The following APAF1 variants were observed in gnomAD, a reference collection of about 807,000 sequenced individuals.
APAF1 encodes the protein apoptotic peptidase activating factor 1, also known as apoptotic protease-activating factor 1.
Under a neutral mutation model 152.4 loss-of-function variants are expected in APAF1, and 91 were observed. The observed-to-expected ratio is 0.60, with a 90% CI of 0.50 to 0.71. The LOEUF is 0.71. Among genes scored for constraint, APAF1 ranks in the 30% least tolerant of loss-of-function variants. The probability of loss-of-function intolerance (pLI) is 0.00; values close to 1 mark genes in which losing one functional copy is unlikely to be tolerated. For synonymous variants in APAF1, 484 were observed against 494.1 expected, an observed-to-expected ratio of 0.98 and a Z score of 0.27; for missense variants, 1,283 against 1,472.0, an observed-to-expected ratio of 0.87 and a Z score of 2.10.
chr12:98,735,418 ATTG>A lies in APAF1; in HGVS notation c.*2855_*2857del. ...TTTTTGTAAAAATAAAATTCACAAAATTGTTTTGAAAAACATTTTTGGATTGTT... is the reference window on the plus strand; with the variant it reads ...TTTTTGTAAAAATAAAATTCACAAAATTTTGAAAAACATTTTTGGATTGTT... On this transcript the variant is annotated 3_prime_UTR_variant, in exon 27 of 27. Coordinates refer to ENST00000551964, the MANE Select transcript of APAF1 (RefSeq NM_181861.2). 2.3e-6 allele frequency: 1 copy of A among 427,274 alleles called. No individual in the cohort carries two copies. Among genetic ancestry groups the A allele is most frequent in the Non-Finnish European group, 4.2e-6 (1 of 238,066 alleles). 26.5% of individuals were successfully genotyped at this position (427,274 alleles called of 1,614,324 possible). A position where few individuals can be genotyped will look rare whatever the true frequency, so the allele number is the denominator to read the frequency against.
chr12:98,678,796 T>C (rs74475256), intron 13 of APAF1, among the ~76,000 whole-genome samples: 12,584 of 152,298 alleles, frequency 0.083, 686 homozygotes, highest in East Asian at 0.23. Flanking sequence ...CCCGGCCAGA[T>C]GTGCACATGC....
intron 22 of APAF1, among the ~76,000 whole-genome samples, chr12:98,718,238 CT>C (rs1456618362): frequency 6.6e-6 from 1 of 151,726 alleles, no homozygotes; most frequent in Non-Finnish European, 1.5e-5. Context: ...CTTTTTCTTT[CT>C]TTTTTTTCTT....
Position 98,718,065 on chromosome 12 carries a change from C to T in APAF1, c.3084+2513C>T, listed in dbSNP as rs112692220. ...TGGATCTCAACATTTAGTATGTACA[C>T]CTTCCCTTGATCCCTCATTCTCAGA... On this transcript the variant is annotated intron_variant, in intron 22 of 26. Transcript: ENST00000551964. 7.7e-4 allele frequency among the ~76,000 whole-genome samples: 117 copies of T among 152,160 alleles called. 1 individual carries two copies. Among genetic ancestry groups the T allele is most frequent in the African/African-American group, 2.7e-3 (110 of 41,500 alleles).
chr12:98,678,168 T>C (rs1206569183), intron 13 of APAF1, among the ~76,000 whole-genome samples: 1 of 152,256 alleles, frequency 6.6e-6, no homozygotes, highest in Admixed American at 6.5e-5. Flanking sequence ...TTATTACTAA[T>C]TTTATTAATC....
At chr12:98,719,810 T>C (rs1050999913) in intron 22 of APAF1, among the ~76,000 whole-genome samples, 20 of 152,184 alleles carry the variant, frequency 1.3e-4, no homozygotes, top group Admixed American at 1.2e-3. Context: ...AAGTGAAGGA[T>C]AGAATGCATA....
At chr12:98,697,424 A>G (rs1379245676) in intron 16 of APAF1, among the ~76,000 whole-genome samples, 3 of 152,224 alleles carry the variant, frequency 2.0e-5, no homozygotes, top group Non-Finnish European at 4.4e-5. Context: ...ATAGTCTCAA[A>G]GTGACTAGCA....
intron 4 of APAF1, among the ~76,000 whole-genome samples, chr12:98,650,674 A>G (rs943237792): frequency 6.6e-6 from 1 of 152,106 alleles, no homozygotes; most frequent in Admixed American, 6.5e-5. Flanking sequence ...AGTGGTATAG[A>G]CTATACTCTT....
chr12:98,725,267 A>G (rs2097748780), intron 24 of APAF1, 148 bp from the exon 25 acceptor site: 1 of 951,808 alleles, frequency 1.1e-6, no homozygotes, highest in Non-Finnish European at 1.6e-6. Context: ...ACAAGGTTGC[A>G]TGCTGGAACT....
At chr12:98,647,830 T>C (rs1287147292) in intron 1 of APAF1, among the ~76,000 whole-genome samples, 1 of 152,062 alleles carries the variant, frequency 6.6e-6, no homozygotes, top group African/African-American at 2.4e-5. Context: ...CCCTAATTTT[T>C]AAAATCTATA....
At position 98,699,547 on chromosome 12, in the gene APAF1, T is replaced by G. The variant is rs903003824; in HGVS notation, c.2444T>G (p.Val815Gly). 2 of 1,614,046 alleles carry G rather than the reference T, an allele frequency of 1.2e-6. No individual in the cohort carries two copies. Among genetic ancestry groups the G allele is most frequent in the African/African-American group, 2.7e-5 (2 of 74,916 alleles). The change falls in exon 17 of 27, where the codon GTG becomes GGG. Residue 815 changes from valine to glycine, a missense_variant. By Grantham distance (109) the Val-to-Gly change is moderately radical. Coordinates refer to ENST00000551964, the MANE Select transcript of APAF1 (RefSeq NM_181861.2). ...TCTGCTGATGGTGCAAGGATAATGGTGGCAGCAAAAAATAAAATCTTTGTA... is the reference window on the plus strand; with the variant it reads ...TCTGCTGATGGTGCAAGGATAATGGGGGCAGCAAAAAATAAAATCTTTGTA... ...SWSADGARIM[V>G]AAKNKIFLFD...
chr12:98,648,522 ACTTC>A (rs2097644979), intron 2 of APAF1, 25 bp downstream of exon 2: 2 of 1,610,498 alleles, frequency 1.2e-6, no homozygotes, highest in South Asian at 2.2e-5. Context: ...AGCAGTCCAC[ACTTC>A]CTTAAAAATT....
intron 14 of APAF1, among the ~76,000 whole-genome samples, chr12:98,681,930 C>G (rs2097692647): frequency 6.6e-6 from 1 of 152,106 alleles, no homozygotes; most frequent in Admixed American, 6.5e-5. Context: ...GACATTAGTA[C>G]CTCTAAAAAG....
At chr12:98,667,112 ATTT>A (rs775551448) in intron 9 of APAF1, among the ~76,000 whole-genome samples, 1 of 142,332 alleles carries the variant, frequency 7.0e-6, no homozygotes, top group Admixed American at 7.0e-5. Flanking sequence ...ATATATATGT[ATTT>A]TTTTTTTTTT....
Position 98,661,344 on chromosome 12 carries a change from T to C in APAF1, c.711-1112T>C, listed in dbSNP as rs145807330. ...AATTGACTTCTGTTGAGTAAAATAA[T>C]GTAGCCACTTTCAGATGTGTCAGAC... is the stretch of plus-strand genomic sequence containing the variant. On this transcript the variant is annotated intron_variant, in intron 5 of 26. Coordinates refer to ENST00000551964, the MANE Select transcript of APAF1 (RefSeq NM_181861.2). Among the ~76,000 whole-genome samples, 71 of 152,332 alleles carry C rather than the reference T, an allele frequency of 4.7e-4. 1 individual carries two copies. The East Asian group carries it at 0.013, about 29-fold the overall frequency.
intron 16 of APAF1, among the ~76,000 whole-genome samples, chr12:98,692,243 C>T (rs1042830155): frequency 1.3e-5 from 2 of 152,124 alleles, no homozygotes; most frequent in African/African-American, 2.4e-5. Flanking sequence ...CTGCCATGCC[C>T]GGCTAATTTT....
chr12:98,669,600 A>T (rs991465433), intron 10 of APAF1, among the ~76,000 whole-genome samples: 2 of 152,186 alleles, frequency 1.3e-5, no homozygotes, highest in Non-Finnish European at 2.9e-5. Flanking sequence ...CATGATTTTT[A>T]AAGCTGCATA....
chr12:98,662,860 T>G (rs2097667306), intron 7 of APAF1, 54 bp downstream of exon 7: 1 of 1,542,458 alleles, frequency 6.5e-7, no homozygotes, highest in Non-Finnish European at 8.9e-7. Flanking sequence ...ATAATTTCCC[T>G]TTTGTTAATT....
chr12:98,718,829 G>A (rs770791080), intron 22 of APAF1, among the ~76,000 whole-genome samples: 2 of 152,010 alleles, frequency 1.3e-5, no homozygotes, highest in African/African-American at 2.4e-5. Flanking sequence ...AGCTACTCAG[G>A]AGGCTGAGGT....
At chr12:98,722,516 C>G (rs2097744431) in intron 22 of APAF1, among the ~76,000 whole-genome samples, 2 of 152,170 alleles carry the variant, frequency 1.3e-5, no homozygotes, top group Admixed American at 6.5e-5. Context: ...TTTACATAGA[C>G]ATAGCATAAA....
Sources: allele counts gnomAD v4.1 joint callset (sites outside exome capture counted in the v4.1 genomes callset), GRCh38; gene constraint gnomAD v4.1.1; transcripts MANE v1.5; gene names NCBI Gene and HGNC (gene_info 2026-07-23, HGNC 2026-07-21).